The following LHX3 variants were observed in gnomAD, a reference collection of about 807,000 sequenced individuals.
The protein encoded by LHX3 is LIM homeobox 3, also known as LIM/homeobox protein Lhx3.
A neutral mutation model predicts 32.4 loss-of-function variants in LHX3; 21 were observed. That is an observed-to-expected ratio of 0.65 (90% CI 0.46 to 0.93). The LOEUF (loss-of-function observed/expected upper bound fraction) is 0.93. Among genes scored for constraint, LHX3 ranks in the 40% least tolerant of loss-of-function variants. LHX3 has a pLI of 0.00. For missense variants in LHX3, 626 were observed against 560.0 expected (o/e 1.12, Z -1.19); for synonymous variants, 258 against 246.8 (o/e 1.05, Z -0.43).
At position 136,197,512 on chromosome 9, in the gene LHX3, C is replaced by T; in HGVS notation, c.1007G>A (p.Ser336Asn). ...SLPGPQPLLS[S>N]LVYPDTSLGL... ...CAAGCTGGTGTCTGGGTACACCAGGCTGGAGAGGAGGGGCTGGGGGCCAGG... is the reference window on the plus strand; with the variant it reads ...CAAGCTGGTGTCTGGGTACACCAGGTTGGAGAGGAGGGGCTGGGGGCCAGG... The change falls in exon 6 of 6, where the codon AGC (serine) becomes AAC (asparagine). Residue 336 changes from serine to asparagine, a missense_variant. Ser to Asn is a conservative substitution (Grantham distance 46). Transcript: ENST00000371748. 6.5e-7 allele frequency: 1 copy of T among 1,539,572 alleles called. No homozygotes were observed.
At position 136,200,671 on chromosome 9, in the gene LHX3, C is replaced by G. The variant is rs1286674150; in HGVS notation, c.162G>C (p.Lys54Asn). 1.9e-6 allele frequency: 3 copies of G among 1,613,554 alleles called. No individual in the cohort carries two copies. In the South Asian group the frequency reaches 3.3e-5, roughly 18 times the overall value. Residue 54 changes from lysine to asparagine, a missense_variant, in exon 2 of 6, where the codon AAG (lysine) becomes AAC (asparagine). Transcript: ENST00000371748. ...TGTGGCAGTCGCTGCACTTGAGACA[C>G]TTGCTGTGCCAGTGGCGGTCCAGAG... is the stretch of plus-strand genomic sequence containing the variant. The part of the protein sequence containing the change: ...LKALDRHWHS[K>N]CLKCSDCHTP...
rs1175181614 is a variant in LHX3, at chr9:136,200,592, C to T, written c.241G>A (p.Asp81Asn). The T allele has an allele frequency of 5.6e-6, 9 of 1,613,422 alleles. No homozygotes were observed. The highest frequency in any genetic ancestry group is 2.2e-5 in the East Asian group (1 of 44,884). ...SRGESVYCKD[D>N]FFKRFGTKCA... is the part of the protein sequence containing the mutation. Reference sequence around the variant, plus strand: ...GGTTTCGGGGCTCACTTGAAAAAGTCGTCCTTGCAGTAAACGCTCTCCCCT... The same window carrying T: ...GGTTTCGGGGCTCACTTGAAAAAGTTGTCCTTGCAGTAAACGCTCTCCCCT... The change falls in exon 2 of 6, where the codon GAC becomes AAC. Residue 81 changes from aspartate to asparagine, a missense_variant. Physicochemically the swap from Asp to Asn is conservative, Grantham distance 23. Coordinates refer to ENST00000371748, the MANE Select transcript of LHX3 (RefSeq NM_178138.6).
rs376492105 is a variant in LHX3, at chr9:136,205,043, C to T, written c.-31G>A. 3,233 of 1,547,664 alleles carry T rather than the reference C, an allele frequency of 2.1e-3. 8 individuals carry two copies. Among genetic ancestry groups the T allele is most frequent in the Non-Finnish European group, 2.6e-3 (2,959 of 1,149,430 alleles). On this transcript the variant is annotated 5_prime_UTR_variant, in exon 1 of 6. Transcript: ENST00000371748. The stretch of plus-strand genomic sequence containing the variant: ...CCACCAGGCCGAGTGGCGCGAGACG[C>T]GCTCCTCCTAGGTCAGCGTCCCCTG...
chr9:136,200,723 T>C lies in LHX3; in HGVS notation c.110A>G (p.His37Arg), dbSNP rs1454746868. 1.9e-6 allele frequency: 3 copies of C among 1,613,502 alleles called. No homozygotes were observed. The East Asian group carries it at 6.7e-5, about 36-fold the overall frequency. ...EIPLCAGCDQHILDRFILKAL... is the reference protein window; with the variant it reads ...EIPLCAGCDQRILDRFILKAL... ...CTTGAGGATGAAGCGGTCCAGGATG[T>C]GCTGGTCACAGCCAGCGCACAGCGG... Residue 37 changes from histidine (H) to arginine (R), a missense_variant, in exon 2 of 6, where the codon CAC (histidine) becomes CGC (arginine). Coordinates refer to ENST00000371748, the MANE Select transcript of LHX3 (RefSeq NM_178138.6).
intron 1 of LHX3, chr9:136,201,021 A>G (rs566699780): frequency 5.2e-6 from 5 of 953,646 alleles, no homozygotes; most frequent in African/African-American, 1.6e-5. Context: ...AGCCCAGGCC[A>G]TTTCACGAGG....
chr9:136,198,314 T>C (rs1831544840), intron 5 of LHX3, among the ~76,000 whole-genome samples: 1 of 152,172 alleles, frequency 6.6e-6, no homozygotes, highest in African/African-American at 2.4e-5. Context: ...CGAAATGCAC[T>C]GCCCATTCTC....
At position 136,201,385 on chromosome 9, in the gene LHX3, A is replaced by G. The variant is rs1831636520; in HGVS notation, c.80-632T>C. On this transcript the variant is annotated intron_variant, in intron 1 of 5. Transcript: ENST00000371748. ...TTTGTGTCAGGCGTGGGTGCCCCCAACACCGTCAGAGTTACTCAAACGTCT... is the reference window on the plus strand; with the variant it reads ...TTTGTGTCAGGCGTGGGTGCCCCCAGCACCGTCAGAGTTACTCAAACGTCT... 6 of 1,236,864 alleles carry G rather than the reference A, an allele frequency of 4.9e-6. No individual in the cohort carries two copies. The South Asian group carries it at 2.0e-4, about 42-fold the overall frequency. The allele number at this position is 1,236,864 out of a possible 1,614,324, so 76.6% of individuals were successfully genotyped here.
rs1215724215 is a variant in LHX3, at chr9:136,200,668, A to G, written c.165T>C (p.Cys55=). 6.2e-7 allele frequency: 1 copy of G among 1,613,608 alleles called. No individual in the cohort carries two copies. The highest frequency in any genetic ancestry group is 2.2e-5 in the East Asian group (1 of 44,882). The stretch of plus-strand genomic sequence containing the variant: ...GCGTGTGGCAGTCGCTGCACTTGAG[A>G]CACTTGCTGTGCCAGTGGCGGTCCA... ...KALDRHWHSK[C]LKCSDCHTPL... is the part of the protein sequence containing the mutation. Residue 55 remains cysteine, a synonymous_variant, in exon 2 of 6, where the codon TGT becomes TGC. Coordinates refer to ENST00000371748, the MANE Select transcript of LHX3 (RefSeq NM_178138.6).
Position 136,199,056 on chromosome 9 carries a change from G to T in LHX3, c.458C>A (p.Ala153Asp). ...GCGCGGCCGCTTGGCCGTGGCCTCGGCCTCTGCGCGGCGGGCGAGCGGTGA... is the reference window on the plus strand; with the variant it reads ...GCGCGGCCGCTTGGCCGTGGCCTCGTCCTCTGCGCGGCGGGCGAGCGGTGA... ...ADYETAKQRE[A>D]EATAKRPRTT... Residue 153 changes from alanine (A) to aspartate (D), a missense_variant, in exon 4 of 6, where the codon GCC becomes GAC. Ala to Asp is a moderately radical substitution (Grantham distance 126, BLOSUM62 -2). Transcript: ENST00000371748. 5.2e-6 allele frequency: 8 copies of T among 1,540,020 alleles called. No homozygotes were observed. The highest frequency in any genetic ancestry group is 7.0e-6 in the Non-Finnish European group (8 of 1,150,066).
chr9:136,199,572 TAGTG>T, intron 3 of LHX3, 102 bp downstream of exon 3: 3 of 1,238,538 alleles, frequency 2.4e-6, no homozygotes, highest in East Asian at 2.4e-5. Context: ...CAGGCCCCCT[TAGTG>T]AGCGCTTGGG....
chr9:136,197,844 G>A lies in LHX3; in HGVS notation c.776-101C>T. On this transcript the variant is annotated intron_variant, in intron 5 of 5. Coordinates refer to ENST00000371748, the MANE Select transcript of LHX3 (RefSeq NM_178138.6). Reference sequence around the variant, plus strand: ...GGCACCCCTGGGTCGGAGAAAGAGTGGCTGCCCCACACCACATGACAGGTC... The same window carrying A: ...GGCACCCCTGGGTCGGAGAAAGAGTAGCTGCCCCACACCACATGACAGGTC... The A allele has an allele frequency of 2.4e-6, 3 of 1,274,104 alleles. No individual in the cohort carries two copies. In the South Asian group the frequency reaches 3.8e-5, roughly 16 times the overall value. 78.9% of individuals were successfully genotyped at this position (1,274,104 alleles called of 1,614,324 possible).
chr9:136,201,239 A>G (rs1831633106), intron 1 of LHX3: 5 of 1,273,220 alleles, frequency 3.9e-6, no homozygotes, highest in African/African-American at 3.0e-5. Flanking sequence ...CTCCTCGCAA[A>G]TGTGGCTGCC....
intron 5 of LHX3, among the ~76,000 whole-genome samples, chr9:136,198,048 C>T (rs995543908): frequency 2.0e-5 from 3 of 152,310 alleles, no homozygotes; most frequent in Admixed American, 6.5e-5. Context: ...GATACCACCA[C>T]CCACATTTTG....
chr9:136,201,744 A>T, intron 1 of LHX3: 1 of 974,840 alleles, frequency 1.0e-6, no homozygotes, highest in Non-Finnish European at 1.2e-6. Flanking sequence ...CTCCCCACGC[A>T]GTGGCGGGAA....
intron 2 of LHX3, chr9:136,200,180 C>G (rs943598865): frequency 1.8e-6 from 1 of 568,636 alleles, no homozygotes; most frequent in African/African-American, 1.9e-5. Flanking sequence ...CCCTCACACC[C>G]CACAGCTGGA....
At chr9:136,199,451 A>C (rs1392482571) in intron 3 of LHX3, among the ~76,000 whole-genome samples, 1 of 152,256 alleles carries the variant, frequency 6.6e-6, no homozygotes, top group Admixed American at 6.5e-5. Flanking sequence ...AATTCCGACC[A>C]GGGGCGAAAA....
At chr9:136,204,737 G>A (rs763732284) in intron 1 of LHX3, among the ~76,000 whole-genome samples, 197 bp downstream of exon 1, 127 of 152,214 alleles carry the variant, frequency 8.3e-4, no homozygotes, top group Non-Finnish European at 1.0e-3. Flanking sequence ...CCGCTGTCCC[G>A]CACTCTTGCA....
In LHX3 at chr9:136,198,863, G is replaced by GC. The variant is rs770032203; in HGVS notation, c.606+44dup. The GC allele has an allele frequency of 3.8e-6, 6 of 1,593,094 alleles. No homozygotes were observed. The Admixed American group carries it at 5.1e-5, about 14-fold the overall frequency. ...TGAGCGGCCGCCCGGCTCTGCGGGG[G>GC]CCCCCAAGGCCGCGGGCGGGAGGGA... is the stretch of plus-strand genomic sequence containing the variant. On this transcript the variant is annotated intron_variant, in intron 4 of 5. Coordinates refer to ENST00000371748, the MANE Select transcript of LHX3 (RefSeq NM_178138.6).
chr9:136,197,362 G>A lies in LHX3; in HGVS notation c.1157C>T (p.Ala386Val). The change falls in exon 6 of 6, where the codon GCC becomes GTC. Residue 386 changes from alanine (A) to valine (V), a missense_variant. Ala to Val is a moderately conservative substitution (Grantham distance 64). Coordinates refer to ENST00000371748, the MANE Select transcript of LHX3 (RefSeq NM_178138.6). Reference protein sequence around the residue: ...GGYPDFPASPASWLDEVDHAQ... With the variant: ...GGYPDFPASPVSWLDEVDHAQ... ...GTGGTCTACCTCATCCAGCCAGGAG[G>A]CGGGGCTGGCAGGGAAGTCGGGGTA... The A allele has an allele frequency of 1.2e-6, 2 of 1,612,200 alleles. No individual in the cohort carries two copies. Among genetic ancestry groups the A allele is most frequent in the Non-Finnish European group, 1.7e-6 (2 of 1,179,900 alleles).
Sources: allele counts gnomAD v4.1 joint callset (sites outside exome capture counted in the v4.1 genomes callset), GRCh38; gene constraint gnomAD v4.1.1; transcripts MANE v1.5; gene names NCBI Gene and HGNC (gene_info 2026-07-23, HGNC 2026-07-21).